The following FAM171A1 variants were observed in gnomAD, a reference collection of about 807,000 sequenced individuals.
FAM171A1 encodes family with sequence similarity 171 member A1, also known as protein FAM171A1.
A neutral mutation model predicts 74.9 loss-of-function variants in FAM171A1; 23 were observed. The ratio of observed to expected loss-of-function variants is 0.31; its 90% confidence interval spans 0.22 to 0.44. The LOEUF (loss-of-function observed/expected upper bound fraction) is 0.44, where lower values mean the gene tolerates loss of function less well. FAM171A1 is among the 20% of genes least tolerant of loss of function. The probability of loss-of-function intolerance (pLI) is 1.00; values close to 1 mark genes in which losing one functional copy is unlikely to be tolerated. For missense variants in FAM171A1, 1,162 were observed against 1,159.2 expected (o/e 1.00, Z -0.03); for synonymous variants, 527 against 505.7 (o/e 1.04, Z -0.57).
At chr10:15,362,281 T>C (rs1027677806) in intron 1 of FAM171A1, among the ~76,000 whole-genome samples, 3 of 152,254 alleles carry the variant, frequency 2.0e-5, no homozygotes, top group Admixed American at 6.5e-5. Context: ...CTACTTTAAA[T>C]ATTTGATCAA....
intron 5 of FAM171A1, 27 bp downstream of exon 5, chr10:15,248,612 G>T: frequency 6.4e-7 from 1 of 1,564,938 alleles, no homozygotes; most frequent in African/African-American, 1.4e-5. Flanking sequence ...TCTGGTAGCC[G>T]ATTGTCGGCA....
Position 15,213,999 on chromosome 10 carries a change from T to C in FAM171A1, c.1589A>G (p.Gln530Arg). 6.2e-7 allele frequency: 1 copy of C among 1,614,184 alleles called. No individual in the cohort carries two copies. Among genetic ancestry groups the C allele is most frequent in the Non-Finnish European group, 8.5e-7 (1 of 1,180,034 alleles). ...YPAPSSPEKE[Q>R]LLDRRPTECM... ...TTCAGTGGGTCTGCGGTCCAGCAGC[T>C]GTTCTTTCTCAGGTGATGAAGGCGC... The change falls in exon 8 of 8, where the codon CAG becomes CGG. Residue 530 changes from glutamine (Q) to arginine (R), a missense_variant. By Grantham distance (43) the Gln-to-Arg change is conservative (BLOSUM62 1). Coordinates refer to ENST00000378116, the MANE Select transcript of FAM171A1 (RefSeq NM_001010924.2). The surrounding 1 kb of genome is among the most constrained non-coding windows in gnomAD (Gnocchi z 6.8).
chr10:15,278,934 G>A (rs1834930700), intron 2 of FAM171A1, among the ~76,000 whole-genome samples: 1 of 152,114 alleles, frequency 6.6e-6, no homozygotes. Flanking sequence ...AGGAGGAATG[G>A]GCAGGATTGT....
intron 3 of FAM171A1, among the ~76,000 whole-genome samples, chr10:15,262,905 A>G (rs1189718213): frequency 6.6e-6 from 1 of 152,144 alleles, no homozygotes; most frequent in Admixed American, 6.5e-5. Flanking sequence ...CAGGAGGAAG[A>G]CCACTCGGGA....
At chr10:15,351,837 G>C (rs1254088739) in intron 1 of FAM171A1, among the ~76,000 whole-genome samples, 3 of 152,046 alleles carry the variant, frequency 2.0e-5, no homozygotes, top group Admixed American at 6.6e-5. Flanking sequence ...TGGATCCCTT[G>C]AGCCTGGGAG....
At chr10:15,371,851 T>C (rs748136968), upstream of FAM171A1, among the ~76,000 whole-genome samples, 7 of 152,170 alleles carry the variant, frequency 4.6e-5, no homozygotes, top group African/African-American at 9.7e-5. Context: ...AAGACCCTCT[T>C]TGGAACCATC....
chr10:15,259,413 A>T (rs1271830842), intron 3 of FAM171A1, among the ~76,000 whole-genome samples: 1 of 152,112 alleles, frequency 6.6e-6, no homozygotes, highest in Non-Finnish European at 1.5e-5. Flanking sequence ...AGAAACCATC[A>T]ACGGATCTCT....
intron 1 of FAM171A1, among the ~76,000 whole-genome samples, chr10:15,324,719 G>C (rs917213141): frequency 2.0e-5 from 3 of 151,062 alleles, no homozygotes; most frequent in African/African-American, 7.3e-5. Flanking sequence ...AACAGCCTTA[G>C]TTTCAAGAGT....
At chr10:15,351,527 A>AT (rs1835876500) in intron 1 of FAM171A1, among the ~76,000 whole-genome samples, 1 of 151,452 alleles carries the variant, frequency 6.6e-6, no homozygotes, top group African/African-American at 2.4e-5. Flanking sequence ...CAAATATATA[A>AT]TGACAGCATT....
In FAM171A1 at chr10:15,269,461, T is replaced by C. The variant is rs61322735; in HGVS notation, c.418+6394A>G. Among the ~76,000 whole-genome samples, 91 of 152,124 alleles carry C rather than the reference T, an allele frequency of 6.0e-4. 2 individuals carry two copies. In the East Asian group the frequency reaches 0.016, roughly 26 times the overall value. ...GAATAGTATGCTCTTAGCACAGAAA[T>C]GCATTTTACACAAGCATTGTCAATT... On this transcript the variant is annotated intron_variant, in intron 3 of 7. Coordinates refer to ENST00000378116, the MANE Select transcript of FAM171A1 (RefSeq NM_001010924.2).
intron 1 of FAM171A1, among the ~76,000 whole-genome samples, chr10:15,299,883 C>T (rs1262498507): frequency 2.0e-5 from 3 of 151,964 alleles, no homozygotes; most frequent in Admixed American, 6.6e-5. Context: ...GAGGCTGAGG[C>T]AGGAGAATGG....
intron 1 of FAM171A1, among the ~76,000 whole-genome samples, chr10:15,303,883 C>T (rs750442633): frequency 3.9e-5 from 6 of 152,176 alleles, no homozygotes; most frequent in Admixed American, 6.5e-5. Flanking sequence ...GAAAAGTTCA[C>T]GTATGAAAGA....
At chr10:15,250,158 C>T (rs2131760486) in intron 4 of FAM171A1, among the ~76,000 whole-genome samples, 1 of 152,314 alleles carries the variant, frequency 6.6e-6, no homozygotes, top group South Asian at 2.1e-4. Flanking sequence ...TAATGCCACC[C>T]TACCTTTTAT....
chr10:15,262,787 G>A (rs7920144), intron 3 of FAM171A1, among the ~76,000 whole-genome samples: 14,102 of 152,124 alleles, frequency 0.093, 736 homozygotes, highest in Middle Eastern at 0.14. Flanking sequence ...ATCCAGGGAG[G>A]TGTGAGAGGA....
intron 1 of FAM171A1, among the ~76,000 whole-genome samples, chr10:15,359,408 T>C (rs1835967807): frequency 6.6e-6 from 1 of 152,074 alleles, no homozygotes. Context: ...GACAGGGAAG[T>C]CACTTGTCCA....
intron 5 of FAM171A1, among the ~76,000 whole-genome samples, chr10:15,236,436 T>C (rs1480250022): frequency 6.6e-6 from 1 of 152,090 alleles, no homozygotes; most frequent in Non-Finnish European, 1.5e-5. Context: ...AGGGAGGGGC[T>C]GGGGCTATTA....
chr10:15,267,552 G>A (rs1254900833), intron 3 of FAM171A1, among the ~76,000 whole-genome samples: 6 of 128,416 alleles, frequency 4.7e-5, no homozygotes, highest in Non-Finnish European at 7.8e-5. Context: ...GCAATGAGCC[G>A]AGATCGCGCC....
intron 1 of FAM171A1, among the ~76,000 whole-genome samples, chr10:15,368,589 C>T (rs1836094713): frequency 6.6e-6 from 1 of 152,134 alleles, no homozygotes; most frequent in Admixed American, 6.5e-5. Context: ...AAAATGCAAG[C>T]CAATGATGAT....
intron 1 of FAM171A1, among the ~76,000 whole-genome samples, chr10:15,306,850 C>T (rs1231655699): frequency 6.6e-6 from 1 of 152,166 alleles, no homozygotes; most frequent in East Asian, 1.9e-4. Flanking sequence ...AGGTCCTATC[C>T]ACCTTCTCAC....
Sources: allele counts gnomAD v4.1 joint callset (sites outside exome capture counted in the v4.1 genomes callset), GRCh38; gene constraint gnomAD v4.1.1; non-coding constraint Gnocchi (gnomAD v3.1); transcripts MANE v1.5; gene names NCBI Gene and HGNC (gene_info 2026-07-23, HGNC 2026-07-21).